The following SMARCD3 variants were observed in gnomAD, a reference collection of about 807,000 sequenced individuals.
SMARCD3 encodes SWI/SNF related BAF chromatin remodeling complex subunit D3.
In SMARCD3, 14 loss-of-function variants were observed where a neutral mutation model predicts 58.0. The observed-to-expected ratio is 0.24, with a 90% CI of 0.16 to 0.38. SMARCD3 has a LOEUF of 0.38. Among genes scored for constraint, SMARCD3 ranks in the 10% least tolerant of loss-of-function variants. The pLI, the probability that SMARCD3 is intolerant of heterozygous loss-of-function variation, is 1.00. For synonymous variants in SMARCD3, 253 were observed against 253.8 expected (o/e 1.00, Z 0.03); for missense variants, 408 against 636.9 (o/e 0.64, Z 3.87).
Position 151,245,365 on chromosome 7 carries a change from G to C in SMARCD3, c.290+95C>G, listed in dbSNP as rs1803206347. 2.2e-6 allele frequency: 1 copy of C among 461,186 alleles called. No homozygotes were observed. The highest frequency in any genetic ancestry group is 4.6e-5 in the Admixed American group (1 of 21,910). The allele number at this position is 461,186 out of a possible 1,614,324, so 28.6% of individuals were successfully genotyped here. On this transcript the variant is annotated intron_variant, in intron 2 of 12. Transcript: ENST00000262188. This position sits in a 1 kb window ranked among gnomAD's most constrained non-coding sequence, Gnocchi z 6.2. ...CGCTCCCTGCTAATCATTCTTCCTCGCCCCTTCCAATCCCCGCTACTCGCT... is the reference window on the plus strand; with the variant it reads ...CGCTCCCTGCTAATCATTCTTCCTCCCCCCTTCCAATCCCCGCTACTCGCT...
intron 1 of SMARCD3, among the ~76,000 whole-genome samples, chr7:151,247,178 G>C (rs1193466571): frequency 6.6e-6 from 1 of 152,138 alleles, no homozygotes; most frequent in Non-Finnish European, 1.5e-5. Context: ...CCACCAGCTA[G>C]GTGGGGCACT....
At chr7:151,251,536 G>T (rs1803510091), upstream of SMARCD3, among the ~76,000 whole-genome samples, 1 of 152,128 alleles carries the variant, frequency 6.6e-6, no homozygotes, top group Non-Finnish European at 1.5e-5. Context: ...CCGGGCCAGG[G>T]CTCCCTCCTC....
chr7:151,260,645 C>G (rs547026381), intron 2 of SMARCD3, among the ~76,000 whole-genome samples: 1 of 152,138 alleles, frequency 6.6e-6, no homozygotes. Context: ...GGACCTCAGT[C>G]GGCTATCCTT....
At position 151,243,472 on chromosome 7, in the gene SMARCD3, G is replaced by A. The variant is rs13237254; in HGVS notation, c.333+187C>T. Among the ~76,000 whole-genome samples the A allele has an allele frequency of 1.3e-5, 2 of 152,146 alleles. No homozygotes were observed. Among genetic ancestry groups the A allele is most frequent in the Non-Finnish European group, 2.9e-5 (2 of 68,032 alleles). The stretch of plus-strand genomic sequence containing the variant: ...GACAGGCCCCTGTGTTCTGGCCCCA[G>A]TGGCTCTGCTGCTTCCCTCCACCTC... On this transcript the variant is annotated intron_variant, in intron 3 of 12. Coordinates refer to ENST00000262188, the MANE Select transcript of SMARCD3 (RefSeq NM_001003801.2). This position sits in a 1 kb window ranked among gnomAD's most constrained non-coding sequence, Gnocchi z 4.4.
chr7:151,275,085 C>G, intron 2 of SMARCD3: 1 of 1,602,996 alleles, frequency 6.2e-7, no homozygotes, highest in East Asian at 2.2e-5. Context: ...AGCTTCTGCT[C>G]CTGGGCTGGC....
intron 2 of SMARCD3, among the ~76,000 whole-genome samples, chr7:151,270,289 C>T (rs1241761750): frequency 6.6e-6 from 1 of 152,172 alleles, no homozygotes; most frequent in Non-Finnish European, 1.5e-5. Flanking sequence ...ACAAGGTTGG[C>T]AGGCAAGAAA....
chr7:151,253,158 A>G (rs1393649507), upstream of SMARCD3, among the ~76,000 whole-genome samples: 1 of 152,166 alleles, frequency 6.6e-6, no homozygotes, highest in East Asian at 1.9e-4. Flanking sequence ...AGGGGGACAG[A>G]GGGAGGGAGC....
rs1435880108 is a variant in SMARCD3, at chr7:151,243,918, G to GC, written c.291-218dup. On this transcript the variant is annotated intron_variant, in intron 2 of 12. Transcript: ENST00000262188. This position sits in a 1 kb window ranked among gnomAD's most constrained non-coding sequence, Gnocchi z 4.4. ...GACCCATCCATTCTCTGGCCTGGGA[G>GC]CCCCCTTCTACCCTGCCACATCCTC... Among the ~76,000 whole-genome samples the GC allele has an allele frequency of 6.6e-6, 1 of 152,210 alleles. No homozygotes were observed. The highest frequency in any genetic ancestry group is 1.5e-5 in the Non-Finnish European group (1 of 68,036).
At chr7:151,273,577 T>G (rs1017807043) in intron 2 of SMARCD3, among the ~76,000 whole-genome samples, 4 of 152,242 alleles carry the variant, frequency 2.6e-5, no homozygotes. Flanking sequence ...TTTATGAATT[T>G]CAGCTAAAAC....
Position 151,241,272 on chromosome 7 carries a change from T to TG in SMARCD3, c.939+219dup, listed in dbSNP as rs1000723609. 8.7e-5 allele frequency: 51 copies of TG among 588,278 alleles called. No individual in the cohort carries two copies. The highest frequency in any genetic ancestry group is 5.4e-4 in the African/African-American group (29 of 54,126). The allele number at this position is 588,278 out of a possible 1,614,324, so 36.4% of individuals were successfully genotyped here. On this transcript the variant is annotated intron_variant, in intron 8 of 12. Transcript: ENST00000262188. The surrounding 1 kb of genome is among the most constrained non-coding windows in gnomAD (Gnocchi z 5.3). ...GTAGGGTTTCCAGGTCTTCCTAACT[T>TG]GGGGGGGCTAACATGGATTGGCTGC...
At chr7:151,259,411 A>ATGTG (rs1491451971) in intron 2 of SMARCD3, among the ~76,000 whole-genome samples, 1 of 138,250 alleles carries the variant, frequency 7.2e-6, no homozygotes, top group Non-Finnish European at 1.5e-5. Flanking sequence ...GTGTGTGTGT[A>ATGTG]TGTGTGTGTG....
At chr7:151,272,675 C>T (rs1175364968) in intron 2 of SMARCD3, among the ~76,000 whole-genome samples, 5 of 152,172 alleles carry the variant, frequency 3.3e-5, no homozygotes, top group African/African-American at 1.2e-4. Flanking sequence ...AAACCGAACG[C>T]GCTATCCCAA....
chr7:151,243,511 G>T lies in SMARCD3; in HGVS notation c.333+148C>A. The T allele has an allele frequency of 1.5e-6, 1 of 655,464 alleles. No homozygotes were observed. Among genetic ancestry groups the T allele is most frequent in the Non-Finnish European group, 2.8e-6 (1 of 362,384 alleles). 40.6% of individuals were successfully genotyped at this position (655,464 alleles called of 1,614,324 possible). A position where few individuals can be genotyped will look rare whatever the true frequency, so the allele number is the denominator to read the frequency against. On this transcript the variant is annotated intron_variant, in intron 3 of 12. Coordinates refer to ENST00000262188, the MANE Select transcript of SMARCD3 (RefSeq NM_001003801.2). The surrounding 1 kb of genome is among the most constrained non-coding windows in gnomAD (Gnocchi z 4.4). The stretch of plus-strand genomic sequence containing the variant: ...TCCCTCCACCTCACCCCCTCCCTCT[G>T]GCCTGCGGAGCCTCACTTATTAATG...
In SMARCD3 at chr7:151,248,279, C is replaced by A. The variant is rs1803371125; in HGVS notation, c.78+206G>T. ...AGAGCCATGCAAACGCCTCCCTTCC[C>A]CGCCTCGCGTCAGACCCGGCCGGCC... On this transcript the variant is annotated intron_variant, in intron 1 of 12. Transcript: ENST00000262188. This position sits in a 1 kb window ranked among gnomAD's most constrained non-coding sequence, Gnocchi z 6.1. Among the ~76,000 whole-genome samples, 1 of 152,064 alleles carries A rather than the reference C, an allele frequency of 6.6e-6. No homozygotes were observed. The highest frequency in any genetic ancestry group is 2.4e-5 in the African/African-American group (1 of 41,438).
At position 151,239,204 on chromosome 7, in the gene SMARCD3, GA is replaced by G; in HGVS notation, c.1399-49del. On this transcript the variant is annotated intron_variant, in intron 12 of 12. Coordinates refer to ENST00000262188, the MANE Select transcript of SMARCD3 (RefSeq NM_001003801.2). The surrounding 1 kb of genome is among the most constrained non-coding windows in gnomAD (Gnocchi z 7.0). ...AGCAGGTGTCAGTGTTCTGGTGAGT[GA>G]TCAGGACAATCCCACCTACTGACAC... 1 of 1,585,030 alleles carries G rather than the reference GA, an allele frequency of 6.3e-7. No individual in the cohort carries two copies.
At chr7:151,269,956 T>A (rs1385977247) in intron 2 of SMARCD3, among the ~76,000 whole-genome samples, 1 of 152,052 alleles carries the variant, frequency 6.6e-6, no homozygotes, top group Non-Finnish European at 1.5e-5. Context: ...TGGCTCCAAG[T>A]GTGGGCCATG....
rs777853266 is a variant in SMARCD3 at position 151,245,061 on chromosome 7, G to C, written c.290+399C>G. ...GAAACAGCCCGGGGGCCGGCAGGAA[G>C]GCTCAGCGGAGAACCACACTTTGGG... On this transcript the variant is annotated intron_variant, in intron 2 of 12. Transcript: ENST00000262188. This position sits in a 1 kb window ranked among gnomAD's most constrained non-coding sequence, Gnocchi z 6.2. Among the ~76,000 whole-genome samples the C allele has an allele frequency of 1.3e-5, 2 of 152,190 alleles. No individual in the cohort carries two copies. The highest frequency in any genetic ancestry group is 2.9e-5 in the Non-Finnish European group (2 of 68,032).
chr7:151,277,087 G>C (rs1019970137), upstream of SMARCD3: 7 of 149,858 alleles, frequency 4.7e-5, no homozygotes, highest in Non-Finnish European at 1.0e-4. Context: ...CTGCTCCCCC[G>C]GGACCCCGGC....
At chr7:151,240,312 G>A in intron 9 of SMARCD3, 65 bp from the exon 10 acceptor site, 1 of 1,609,434 alleles carries the variant, frequency 6.2e-7, no homozygotes. Context: ...CCCCGGGGCT[G>A]GGGCAGATCC....
Sources: gnomAD v4.1 joint callset for allele counts (sites outside exome capture counted in the v4.1 genomes callset) on GRCh38, gnomAD v4.1.1 for gene constraint, Gnocchi (gnomAD v3.1) non-coding constraint, MANE v1.5 for transcripts, NCBI Gene and HGNC (gene_info 2026-07-23, HGNC 2026-07-21) for gene names.